Variants in TXNL1 observed in about 807,000 individuals in gnomAD.
TXNL1 encodes the protein thioredoxin like 1.
In TXNL1, 14 loss-of-function variants were observed where a neutral mutation model predicts 35.5. The ratio of observed to expected loss-of-function variants is 0.39; its 90% confidence interval spans 0.26 to 0.62. The LOEUF (loss-of-function observed/expected upper bound fraction) is 0.62. Ranked by LOEUF, TXNL1 falls within the 20% of genes least tolerant of loss-of-function variation. The pLI is 0.47. For synonymous variants in TXNL1, 110 were observed against 115.5 expected, an observed-to-expected ratio of 0.95 and a Z score of 0.31; for missense variants, 263 against 349.7, an observed-to-expected ratio of 0.75 and a Z score of 1.98.
chr18:56,614,090 T>G (rs933196622), intron 6 of TXNL1, among the ~76,000 whole-genome samples: 5 of 152,072 alleles, frequency 3.3e-5, no homozygotes, highest in African/African-American at 4.8e-5. Flanking sequence ...TAAATAAGAT[T>G]TTACAAACAC....
intron 3 of TXNL1, among the ~76,000 whole-genome samples, chr18:56,618,760 TAAAAA>T (rs533898217): frequency 6.6e-6 from 1 of 150,560 alleles, no homozygotes; most frequent in East Asian, 1.9e-4. Context: ...AATAAGAACT[TAAAAA>T]AAAACATTCT....
In TXNL1 at chr18:56,606,150, C is replaced by T. The variant is rs571918318; in HGVS notation, c.841-3094G>A. Among the ~76,000 whole-genome samples, 54 of 152,204 alleles carry T rather than the reference C, an allele frequency of 3.5e-4. 1 individual carries two copies. The highest frequency in any genetic ancestry group is 7.8e-4 in the Admixed American group (12 of 15,296). Reference sequence around the variant, plus strand: ...CAGCACTTTGGGAGGCCCAGGCGGGCGGATCAACGAGGTCAGGAGATCGAG... The same window carrying T: ...CAGCACTTTGGGAGGCCCAGGCGGGTGGATCAACGAGGTCAGGAGATCGAG... On this transcript the variant is annotated intron_variant, in intron 7 of 7. Transcript: ENST00000217515.
chr18:56,626,500 T>C, intron 1 of TXNL1, 43 bp from the exon 2 acceptor site: 2 of 1,509,440 alleles, frequency 1.3e-6, no homozygotes, highest in Non-Finnish European at 9.1e-7. Context: ...CTAAAGATTG[T>C]AATTCTAAAG....
At position 56,638,353 on chromosome 18, in the gene TXNL1, T is replaced by G; in HGVS notation, c.88A>C (p.Thr30Pro). ...CGAGCCTGGCCTCACCCTCTCATGG[T>G]GAACTTGACCACGGCGAGTCTGGAG... ...AGSRLAVVKF[T>P]MRGCGPCLRI... The change falls in exon 1 of 8, where the codon ACC becomes CCC. Residue 30 changes from threonine to proline, a missense_variant. Physicochemically the swap from Thr to Pro is conservative, Grantham distance 38 (BLOSUM62 -1). Transcript: ENST00000217515. 6 of 1,613,012 alleles carry G rather than the reference T, an allele frequency of 3.7e-6. No homozygotes were observed. The highest frequency in any genetic ancestry group is 5.1e-6 in the Non-Finnish European group (6 of 1,179,432).
chr18:56,627,949 A>C (rs1372246269), intron 1 of TXNL1, among the ~76,000 whole-genome samples: 1 of 152,068 alleles, frequency 6.6e-6, no homozygotes, highest in Admixed American at 6.6e-5. Context: ...TTAAGAGACT[A>C]GGAAAAAGTA....
At chr18:56,609,985 T>C (rs535540850) in intron 7 of TXNL1, 1 of 152,142 alleles carries the variant, frequency 6.6e-6, no homozygotes, top group Non-Finnish European at 1.5e-5. Context: ...TCCTCTGTTA[T>C]GCAATCTAAT....
At position 56,602,806 on chromosome 18, in the gene TXNL1, T is replaced by C. The variant is rs2023828399; in HGVS notation, c.*221A>G. The C allele has an allele frequency of 1.6e-6, 1 of 609,666 alleles. No homozygotes were observed. Among genetic ancestry groups the C allele is most frequent in the African/African-American group, 1.9e-5 (1 of 53,620 alleles). 37.8% of individuals were successfully genotyped at this position (609,666 alleles called of 1,614,324 possible). A position where few individuals can be genotyped will look rare whatever the true frequency, so the allele number is the denominator to read the frequency against. ...AATACATGGAAAGAGAAAATACTGA[T>C]TTAGAAAGACAAAAATTAAGCTTGG... On this transcript the variant is annotated 3_prime_UTR_variant, in exon 8 of 8. Coordinates refer to ENST00000217515, the MANE Select transcript of TXNL1 (RefSeq NM_004786.3).
intron 3 of TXNL1, among the ~76,000 whole-genome samples, chr18:56,623,272 A>G (rs1209716597): frequency 6.6e-6 from 1 of 152,144 alleles, no homozygotes. Flanking sequence ...TACGAAAAAT[A>G]CAAAAATTAG....
At chr18:56,617,913 GGA>G in intron 4 of TXNL1, 89 bp downstream of exon 4, 15 of 1,469,230 alleles carry the variant, frequency 1.0e-5, no homozygotes, top group Non-Finnish European at 1.4e-5. Flanking sequence ...CATCTGGGAA[GGA>G]GAGACGTAAG....
rs1402773347 is a variant in TXNL1, at chr18:56,618,139, T to C, written c.370-13A>G. 1.2e-6 allele frequency: 2 copies of C among 1,611,446 alleles called. No homozygotes were observed. Among genetic ancestry groups the C allele is most frequent in the South Asian group, 2.2e-5 (2 of 90,840 alleles). ...GCATTAAATCCATCTGAAAAAAAAT[T>C]GCAAGATTTTAGGCAACATATTTGG... On this transcript the variant is annotated splice_polypyrimidine_tract_variant and intron_variant, in intron 3 of 7. Coordinates refer to ENST00000217515, the MANE Select transcript of TXNL1 (RefSeq NM_004786.3).
chr18:56,638,546 G>A lies in TXNL1; in HGVS notation c.-106C>T. The A allele has an allele frequency of 8.6e-7, 1 of 1,168,088 alleles. No individual in the cohort carries two copies. Among genetic ancestry groups the A allele is most frequent in the Non-Finnish European group, 1.2e-6 (1 of 849,646 alleles). 72.4% of individuals were successfully genotyped at this position (1,168,088 alleles called of 1,614,324 possible). A position where few individuals can be genotyped will look rare whatever the true frequency, so the allele number is the denominator to read the frequency against. Reference sequence around the variant, plus strand: ...GAGATGCTCAGGAAGGCCGAGGCCTGGACAGAAGAGGTGGCGACCGCCGAG... The same window carrying A: ...GAGATGCTCAGGAAGGCCGAGGCCTAGACAGAAGAGGTGGCGACCGCCGAG... On this transcript the variant is annotated 5_prime_UTR_variant, in exon 1 of 8. Transcript: ENST00000217515.
intron 1 of TXNL1, among the ~76,000 whole-genome samples, chr18:56,636,502 G>A (rs1013273813): frequency 7.9e-5 from 12 of 152,096 alleles, no homozygotes; most frequent in Non-Finnish European, 1.0e-4. Context: ...ATTTGTAAAC[G>A]TAATATAAAT....
At position 56,601,627 on chromosome 18, in the gene TXNL1, CTTTCAACACTAAAACTTCT is replaced by C. The variant is rs2023811403; in HGVS notation, c.*1381_*1399del. On this transcript the variant is annotated 3_prime_UTR_variant, in exon 8 of 8. Transcript: ENST00000217515. ...GACACTTGGGTTTCAGAAAGGGACTCTTTCAACACTAAAACTTCTGTAGAATTTTTTCATAAACAAGTAT... is the reference window on the plus strand; with the variant it reads ...GACACTTGGGTTTCAGAAAGGGACTCGTAGAATTTTTTCATAAACAAGTAT... 7 of 152,140 alleles carry C rather than the reference CTTTCAACACTAAAACTTCT, an allele frequency of 4.6e-5. No individual in the cohort carries two copies. Among genetic ancestry groups the C allele is most frequent in the Admixed American group, 4.6e-4 (7 of 15,276 alleles). 9.4% of individuals were successfully genotyped at this position (152,140 alleles called of 1,614,324 possible).
intron 5 of TXNL1, 75 bp from the exon 6 acceptor site, chr18:56,614,671 A>C: frequency 8.5e-7 from 1 of 1,180,990 alleles, no homozygotes; most frequent in Non-Finnish European, 1.2e-6. Context: ...CTACACTCAC[A>C]CTATACACAG....
At position 56,600,093 on chromosome 18, in the gene TXNL1, GA is replaced by G. The variant is rs1170097247; in HGVS notation, c.*2933del. On this transcript the variant is annotated 3_prime_UTR_variant, in exon 8 of 8. Transcript: ENST00000217515. ...TCTTATTACAGAATCAAAGCTTTTA[GA>G]CATTAAGAGGAACAAGGGAGGATCT... is the stretch of plus-strand genomic sequence containing the variant. 6.6e-6 allele frequency: 1 copy of G among 152,124 alleles called. No individual in the cohort carries two copies. Among genetic ancestry groups the G allele is most frequent in the African/African-American group, 2.4e-5 (1 of 41,410 alleles). 9.4% of individuals were successfully genotyped at this position (152,124 alleles called of 1,614,324 possible).
At chr18:56,635,962 T>C (rs578258402) in intron 1 of TXNL1, among the ~76,000 whole-genome samples, 1 of 152,148 alleles carries the variant, frequency 6.6e-6, no homozygotes, top group Non-Finnish European at 1.5e-5. Flanking sequence ...TAGAAAATAA[T>C]GACAAGAAAA....
intron 6 of TXNL1, among the ~76,000 whole-genome samples, chr18:56,612,735 A>C (rs2024017666): frequency 6.6e-6 from 1 of 152,140 alleles, no homozygotes. Context: ...CTCATTCGTC[A>C]GTTTTTATTG....
At chr18:56,608,565 C>T (rs1568099050) in intron 7 of TXNL1, 1 of 152,184 alleles carries the variant, frequency 6.6e-6, no homozygotes, top group Non-Finnish European at 1.5e-5. Flanking sequence ...AAGACCCTCT[C>T]AAGGAGTCTG....
chr18:56,608,049 T>C (rs565824504), intron 7 of TXNL1, among the ~76,000 whole-genome samples: 3 of 152,280 alleles, frequency 2.0e-5, no homozygotes, highest in Admixed American at 2.0e-4. Context: ...TTTGTTAGTG[T>C]CTGTGGTTCC....
Sources: allele counts gnomAD v4.1 joint callset (sites outside exome capture counted in the v4.1 genomes callset), GRCh38; gene constraint gnomAD v4.1.1; transcripts MANE v1.5; gene names NCBI Gene and HGNC (gene_info 2026-07-23, HGNC 2026-07-21).